The following ZGLP1 variants were observed in gnomAD, a reference collection of about 807,000 sequenced individuals.
The protein encoded by ZGLP1 is zinc finger GATA like protein 1, also known as GATA-type zinc finger protein 1.
In ZGLP1, 11 loss-of-function variants were observed where a neutral mutation model predicts 21.4. The ratio of observed to expected loss-of-function variants is 0.51; its 90% CI spans 0.32 to 0.85. The LOEUF (loss-of-function observed/expected upper bound fraction) is 0.85, where lower values mean the gene tolerates loss of function less well. Ranked by LOEUF, ZGLP1 falls within the 40% of genes least tolerant of loss-of-function variation. ZGLP1 has a pLI of 0.03. For synonymous variants in ZGLP1, 148 were observed against 145.0 expected, an observed-to-expected ratio of 1.02 and a Z score of -0.15; for missense variants, 295 against 355.6, an observed-to-expected ratio of 0.83 and a Z score of 1.37.
chr19:10,309,215 TGTAA>T (rs950250011), exon 1 of ZGLP1: 1 of 152,668 alleles, frequency 6.6e-6, no homozygotes, highest in Admixed American at 6.5e-5. Context: ...AGAACCTCTT[TGTAA>T]GTTTCAGTAA....
At position 10,305,789 on chromosome 19, in the gene ZGLP1, G is replaced by A. The variant is rs1001995263; in HGVS notation, c.604+57C>T. 2 of 1,363,154 alleles carry A rather than the reference G, an allele frequency of 1.5e-6. No homozygotes were observed. Among genetic ancestry groups the A allele is most frequent in the Non-Finnish European group, 2.1e-6 (2 of 975,262 alleles). The allele number at this position is 1,363,154 out of a possible 1,614,324, so 84.4% of individuals were successfully genotyped here. On this transcript the variant is annotated intron_variant, in intron 2 of 3. Coordinates refer to ENST00000403903, the Ensembl canonical transcript of ZGLP1. This position sits in a 1 kb window ranked among gnomAD's most constrained non-coding sequence, Gnocchi z 4.7. ...AAGGGGGGGGCAGGGAGAAAGGCAG[G>A]GAAGACAGGAAATTGGCCCCCAAAA... is the stretch of plus-strand genomic sequence containing the variant.
exon 4 of ZGLP1, chr19:10,304,949 C>T: frequency 5.9e-6 from 4 of 680,516 alleles, no homozygotes; most frequent in Non-Finnish European, 9.9e-6. Flanking sequence ...CCTGGGTCTT[C>T]CCCCGGGATC....
chr19:10,305,771 G>C lies in ZGLP1; in HGVS notation c.604+75C>G. 8.3e-7 allele frequency: 1 copy of C among 1,199,766 alleles called. No individual in the cohort carries two copies. The highest frequency in any genetic ancestry group is 1.2e-6 in the Non-Finnish European group (1 of 827,280). The allele number at this position is 1,199,766 out of a possible 1,614,324, so 74.3% of individuals were successfully genotyped here. On this transcript the variant is annotated intron_variant, in intron 2 of 3. Coordinates refer to ENST00000403903, the Ensembl canonical transcript of ZGLP1. The surrounding 1 kb of genome is among the most constrained non-coding windows in gnomAD (Gnocchi z 4.7). ...TGGGGAAGCAAGATGGAGAAGGGGG[G>C]GGCAGGGAGAAAGGCAGGGAAGACA...
intron 1 of ZGLP1, among the ~76,000 whole-genome samples, chr19:10,306,572 G>GT (rs966943767): frequency 6.0e-5 from 9 of 151,054 alleles, no homozygotes; most frequent in South Asian, 2.1e-4. Flanking sequence ...CAATACAACA[G>GT]TTTTTTTTTC....
chr19:10,307,786 G>C (rs1454046446), intron 1 of ZGLP1, among the ~76,000 whole-genome samples: 1 of 152,220 alleles, frequency 6.6e-6, no homozygotes, highest in Non-Finnish European at 1.5e-5. Flanking sequence ...AAAGTGATGG[G>C]ATTATAGGCG....
exon 1 of ZGLP1, chr19:10,308,509 C>A: frequency 6.2e-7 from 1 of 1,609,550 alleles, no homozygotes; most frequent in Non-Finnish European, 8.5e-7. Context: ...TTGGAGGAAG[C>A]ACAGGGCGGT....
chr19:10,305,503 A>C lies in ZGLP1; in HGVS notation c.605-20T>G. 1 of 1,579,580 alleles carries C rather than the reference A, an allele frequency of 6.3e-7. No individual in the cohort carries two copies. Among genetic ancestry groups the C allele is most frequent in the Non-Finnish European group, 8.6e-7 (1 of 1,161,864 alleles). ...GGGGCTCTGAAGGGTCAGAGGTCAA[A>C]GGGCAGGGGTCAGAGGCCAAGCATG... On this transcript the variant is annotated intron_variant, in intron 2 of 3. Transcript: ENST00000403903. This position sits in a 1 kb window ranked among gnomAD's most constrained non-coding sequence, Gnocchi z 4.7.
At position 10,308,556 on chromosome 19, in the gene ZGLP1, GAGA is replaced by G. The variant is rs765253481; in HGVS notation, c.123_125del (p.Leu42del). ...GGCATGCAGGCCAGAGGGACCTGGG[GAGA>G]AGGGCAGTGGGGTCACGTTTTCTTG... On this transcript the variant is annotated inframe_deletion, in exon 1 of 4. Coordinates refer to ENST00000403903, the Ensembl canonical transcript of ZGLP1. The G allele has an allele frequency of 1.0e-5, 16 of 1,602,610 alleles. No homozygotes were observed. In the East Asian group the frequency reaches 3.6e-4, roughly 36 times the overall value.
At chr19:10,306,094 A>T in intron 1 of ZGLP1, 142 bp from the exon 3 acceptor site, 1 of 419,228 alleles carries the variant, frequency 2.4e-6, no homozygotes, top group East Asian at 3.7e-5. Context: ...TTTGCCTCTC[A>T]TTAGTAATAT....
exon 1 of ZGLP1, chr19:10,308,214 G>T: frequency 1.9e-6 from 3 of 1,552,470 alleles, no homozygotes; most frequent in Non-Finnish European, 2.6e-6. Flanking sequence ...GCAGGCTGGA[G>T]TCCGGCTTTA....
At chr19:10,307,870 ATTG>A (rs2040288315) in intron 1 of ZGLP1, among the ~76,000 whole-genome samples, 1 of 152,180 alleles carries the variant, frequency 6.6e-6, no homozygotes, top group Admixed American at 6.5e-5. Context: ...TTAACCTCTT[ATTG>A]TTGTCACTAC....
In ZGLP1 at chr19:10,305,508, A is replaced by G. The variant is rs367750441; in HGVS notation, c.605-25T>C. 1.9e-4 allele frequency: 295 copies of G among 1,569,408 alleles called. No homozygotes were observed. In the Middle Eastern group the frequency reaches 2.0e-3, roughly 11 times the overall value. ...TCTGAAGGGTCAGAGGTCAAAGGGC[A>G]GGGGTCAGAGGCCAAGCATGTGAGC... is the stretch of plus-strand genomic sequence containing the variant. On this transcript the variant is annotated intron_variant, in intron 2 of 3. Coordinates refer to ENST00000403903, the Ensembl canonical transcript of ZGLP1. This position sits in a 1 kb window ranked among gnomAD's most constrained non-coding sequence, Gnocchi z 4.7.
Position 10,305,584 on chromosome 19 carries a change from C to T in ZGLP1, c.605-101G>A, listed in dbSNP as rs1183634819. Reference sequence around the variant, plus strand: ...ATTTTGTGGGGGTCTCAGTAAAGGCCCCACCTAGCTCTGGATCAGCCCTGG... The same window carrying T: ...ATTTTGTGGGGGTCTCAGTAAAGGCTCCACCTAGCTCTGGATCAGCCCTGG... On this transcript the variant is annotated intron_variant, in intron 2 of 3. Coordinates refer to ENST00000403903, the Ensembl canonical transcript of ZGLP1. The surrounding 1 kb of genome is among the most constrained non-coding windows in gnomAD (Gnocchi z 4.7). 9.7e-7 allele frequency: 1 copy of T among 1,032,010 alleles called. No homozygotes were observed. The highest frequency in any genetic ancestry group is 1.6e-5 in the African/African-American group (1 of 63,044). 63.9% of individuals were successfully genotyped at this position (1,032,010 alleles called of 1,614,324 possible).
At chr19:10,308,300 G>A (rs1440153350) in exon 1 of ZGLP1, 3 of 1,611,222 alleles carry the variant, frequency 1.9e-6, no homozygotes, top group Middle Eastern at 1.7e-4. Context: ...AGCTGTTTCC[G>A]GGGCCTTCTC....
At chr19:10,308,393 T>C in exon 1 of ZGLP1, 1 of 1,608,696 alleles carries the variant, frequency 6.2e-7, no homozygotes, top group East Asian at 2.2e-5. Flanking sequence ...TTGGAATCCC[T>C]GTCCAGCAGC....
chr19:10,304,805 TCG>T lies in ZGLP1; in HGVS notation c.*284_*285del, dbSNP rs2040269572. The T allele has an allele frequency of 5.3e-5, 21 of 394,422 alleles. 2 individuals carry two copies. In the South Asian group the frequency reaches 1.0e-3, roughly 20 times the overall value. The allele number at this position is 394,422 out of a possible 1,614,324, so 24.4% of individuals were successfully genotyped here. ...GATCCCAAATCACAGGCTTTTTCTC[TCG>T]GCATATCTCTGTACTTTATTGTCCC... On this transcript the variant is annotated 3_prime_UTR_variant, in exon 4 of 4. Transcript: ENST00000403903.
intron 1 of ZGLP1, among the ~76,000 whole-genome samples, chr19:10,306,596 T>C (rs946480454): frequency 7.9e-5 from 12 of 151,980 alleles, no homozygotes; most frequent in Non-Finnish European, 1.5e-4. Flanking sequence ...GAAAATTTGA[T>C]TTATTGATTT....
chr19:10,308,070 T>C, intron 1 of ZGLP1, 115 bp downstream of exon 2: 1 of 1,404,552 alleles, frequency 7.1e-7, no homozygotes, highest in Non-Finnish European at 9.5e-7. Flanking sequence ...GGGCCACGTG[T>C]AACGTAGAGC....
At chr19:10,306,642 A>AC in intron 1 of ZGLP1, among the ~76,000 whole-genome samples, 1 of 151,094 alleles carries the variant, frequency 6.6e-6, no homozygotes, top group East Asian at 1.9e-4. Context: ...ATATAGGGAG[A>AC]CCCCGTCTCT....
Sources: gnomAD v4.1 joint callset for allele counts (sites outside exome capture counted in the v4.1 genomes callset) on GRCh38, gnomAD v4.1.1 for gene constraint, Gnocchi (gnomAD v3.1) non-coding constraint, MANE v1.5 for transcripts, NCBI Gene and HGNC (gene_info 2026-07-23, HGNC 2026-07-21) for gene names.